Variants in CACNA1I observed in about 807,000 individuals in gnomAD.
CACNA1I encodes voltage-dependent T-type calcium channel subunit alpha-1I.
Under a neutral mutation model 201.6 loss-of-function variants are expected in CACNA1I, and 74 were observed. The observed-to-expected ratio is 0.37, with a 90% CI of 0.30 to 0.45. The LOEUF (loss-of-function observed/expected upper bound fraction) is 0.45, where lower values mean the gene tolerates loss of function less well. Ranked by LOEUF, CACNA1I falls within the 20% of genes least tolerant of loss-of-function variation. CACNA1I has a pLI of 1.00. For synonymous variants in CACNA1I, 1,431 were observed against 1,345.2 expected (o/e 1.06, Z -1.40); for missense variants, 2,346 against 3,138.1 (o/e 0.75, Z 6.03).
chr22:39,605,619 A>G (rs888213108), intron 3 of CACNA1I, among the ~76,000 whole-genome samples: 1 of 152,238 alleles, frequency 6.6e-6, no homozygotes, highest in African/African-American at 2.4e-5. Flanking sequence ...AAACAGAAAT[A>G]AAACACATCA....
In CACNA1I at chr22:39,648,429, G is replaced by A. The variant is rs1934555458; in HGVS notation, c.1567+503G>A. ...TGGCACTCTTGCCCCCTTGCCCCTGGGCCTCCCCTCTGCCCTGGAAAACGA... is the reference window on the plus strand; with the variant it reads ...TGGCACTCTTGCCCCCTTGCCCCTGAGCCTCCCCTCTGCCCTGGAAAACGA... On this transcript the variant is annotated intron_variant, in intron 9 of 36. Transcript: ENST00000402142. This position sits in a 1 kb window ranked among gnomAD's most constrained non-coding sequence, Gnocchi z 5.4. Among the ~76,000 whole-genome samples, 1 of 152,114 alleles carries A rather than the reference G, an allele frequency of 6.6e-6. No homozygotes were observed. The highest frequency in any genetic ancestry group is 1.5e-5 in the Non-Finnish European group (1 of 68,014).
At chr22:39,599,048 A>G (rs1230913785) in intron 2 of CACNA1I, among the ~76,000 whole-genome samples, 1 of 137,818 alleles carries the variant, frequency 7.3e-6, no homozygotes, top group Non-Finnish European at 1.5e-5. Flanking sequence ...TCCCGGGTTC[A>G]TGCCATTCTC....
In CACNA1I at chr22:39,681,001, C is replaced by T. The variant is rs376733895; in HGVS notation, c.5613C>T (p.Asp1871=). The change falls in exon 34 of 37, where the codon GAC becomes GAT. Residue 1871 remains aspartate, a synonymous_variant. Transcript: ENST00000402142. Reference sequence around the variant, plus strand: ...CCTCGTCCATCCTGCTGGGTGACGACCTGAGTCTCGAGGACCCCACAGCCT... The same window carrying T: ...CCTCGTCCATCCTGCTGGGTGACGATCTGAGTCTCGAGGACCCCACAGCCT... ...DRSSSILLGD[D]LSLEDPTACP... is the part of the protein sequence containing the mutation. The T allele has an allele frequency of 1.1e-5, 17 of 1,611,662 alleles. No individual in the cohort carries two copies. Among genetic ancestry groups the T allele is most frequent in the Non-Finnish European group, 1.7e-6 (2 of 1,179,498 alleles).
intron 1 of CACNA1I, among the ~76,000 whole-genome samples, chr22:39,587,384 G>A (rs578132922): frequency 1.3e-5 from 2 of 152,278 alleles, no homozygotes; most frequent in South Asian, 2.1e-4. Context: ...GCATGTAAGC[G>A]GAGGGAGGCC....
At chr22:39,574,029 C>T (rs1043295986) in intron 1 of CACNA1I, among the ~76,000 whole-genome samples, 3 of 152,258 alleles carry the variant, frequency 2.0e-5, no homozygotes, top group Middle Eastern at 3.4e-3. Context: ...GTTCAGGTCT[C>T]GGCCTTAACT....
intron 24 of CACNA1I, 149 bp from the exon 25 acceptor site, chr22:39,669,889 A>C: frequency 1.2e-6 from 1 of 822,268 alleles, no homozygotes. Flanking sequence ...TTTACTTCTT[A>C]CCTGCTGCCT....
Position 39,665,020 on chromosome 22 carries a change from C to A in CACNA1I, c.3851+97C>A. On this transcript the variant is annotated intron_variant, in intron 21 of 36. Coordinates refer to ENST00000402142, the MANE Select transcript of CACNA1I (RefSeq NM_021096.4). The surrounding 1 kb of genome is among the most constrained non-coding windows in gnomAD (Gnocchi z 5.5). ...CCCTCACTCCGCCCTCCCCGCCCGC[C>A]CACTCGGTCCTCCAATAGTGAGTGC... 2.6e-6 allele frequency: 3 copies of A among 1,142,762 alleles called. No individual in the cohort carries two copies. The highest frequency in any genetic ancestry group is 3.8e-6 in the Non-Finnish European group (3 of 799,384). 70.8% of individuals were successfully genotyped at this position (1,142,762 alleles called of 1,614,324 possible). A position where few individuals can be genotyped will look rare whatever the true frequency, so the allele number is the denominator to read the frequency against.
chr22:39,596,705 G>A (rs964314908), intron 1 of CACNA1I, among the ~76,000 whole-genome samples: 2 of 151,900 alleles, frequency 1.3e-5, no homozygotes, highest in Admixed American at 6.6e-5. Flanking sequence ...GCTGCTGCAG[G>A]AAGGGTGGTT....
At chr22:39,615,978 A>G (rs5995760) in intron 3 of CACNA1I, among the ~76,000 whole-genome samples, 15,635 of 152,166 alleles carry the variant, frequency 0.1, 1,186 homozygotes, top group African/African-American at 0.21. Context: ...CAGATTCTAC[A>G]GGAACGTTTT....
chr22:39,592,650 G>A (rs1276664530), intron 1 of CACNA1I, among the ~76,000 whole-genome samples: 1 of 152,208 alleles, frequency 6.6e-6, no homozygotes, highest in Non-Finnish European at 1.5e-5. Flanking sequence ...TCCTGCCGTC[G>A]TGGCACTAGC....
intron 33 of CACNA1I, 43 bp from the exon 34 acceptor site, chr22:39,680,887 A>T (rs1324097069): frequency 6.3e-7 from 1 of 1,585,494 alleles, no homozygotes; most frequent in Non-Finnish European, 8.6e-7. Context: ...AGGTCTGCCC[A>T]TCCCAAACCT....
intron 4 of CACNA1I, among the ~76,000 whole-genome samples, chr22:39,632,585 T>TG (rs1343630652): frequency 7.4e-6 from 1 of 134,526 alleles, no homozygotes; most frequent in Non-Finnish European, 1.6e-5. Flanking sequence ...TGTGTGTGTG[T>TG]GGGGGGAGGG....
rs1165633655 is a variant in CACNA1I at position 39,685,796 on chromosome 22, C to T, written c.6063C>T (p.Pro2021=). Residue 2021 remains proline, a synonymous_variant, in exon 37 of 37, where the codon CCC becomes CCT. Transcript: ENST00000402142. The surrounding 1 kb of genome is among the most constrained non-coding windows in gnomAD (Gnocchi z 5.0). ...TGSDTSLDAS[P]SSSAGSLQTT... is the part of the protein sequence containing the mutation. ...GCGACACGTCGCTGGACGCCAGCCCCAGCAGCTCCGCGGGCAGCCTGCAGA... is the reference window on the plus strand; with the variant it reads ...GCGACACGTCGCTGGACGCCAGCCCTAGCAGCTCCGCGGGCAGCCTGCAGA... 19 of 1,496,446 alleles carry T rather than the reference C, an allele frequency of 1.3e-5. No individual in the cohort carries two copies. Among genetic ancestry groups the T allele is most frequent in the Admixed American group, 2.1e-5 (1 of 47,292 alleles). 92.7% of individuals were successfully genotyped at this position (1,496,446 alleles called of 1,614,324 possible).
In CACNA1I at chr22:39,629,590, A is replaced by G. The variant is rs1202065959; in HGVS notation, c.581-4975A>G. Among the ~76,000 whole-genome samples, 3 of 152,012 alleles carry G rather than the reference A, an allele frequency of 2.0e-5. No homozygotes were observed. The highest frequency in any genetic ancestry group is 7.2e-5 in the African/African-American group (3 of 41,382). ...CAGGGGGACGGAAGGCCCAATCATC[A>G]GGCCGTGAGGGTGGTGGAGAGGGCC... On this transcript the variant is annotated intron_variant, in intron 4 of 36. Transcript: ENST00000402142. This position sits in a 1 kb window ranked among gnomAD's most constrained non-coding sequence, Gnocchi z 4.8.
At chr22:39,674,909 C>T (rs1335279848) in intron 29 of CACNA1I, among the ~76,000 whole-genome samples, 2 of 152,206 alleles carry the variant, frequency 1.3e-5, no homozygotes, top group Non-Finnish European at 2.9e-5. Context: ...TGGGTGAGTT[C>T]TGTTCCTGAA....
chr22:39,571,282 TG>T (rs1438256680), intron 1 of CACNA1I, among the ~76,000 whole-genome samples: 4 of 152,086 alleles, frequency 2.6e-5, no homozygotes, highest in African/African-American at 9.7e-5. Flanking sequence ...AGACCTGTGC[TG>T]GGCTGGGAAT....
chr22:39,622,370 T>G, intron 4 of CACNA1I, among the ~76,000 whole-genome samples: 1 of 98,374 alleles, frequency 1.0e-5, no homozygotes, highest in Admixed American at 1.2e-4. Flanking sequence ...GGGGATTGAG[T>G]AGGTGGAGGG....
chr22:39,601,679 T>C (rs1010705365), intron 3 of CACNA1I, among the ~76,000 whole-genome samples: 2 of 151,942 alleles, frequency 1.3e-5, no homozygotes, highest in African/African-American at 4.8e-5. Flanking sequence ...AGTAGACGCA[T>C]GGCTGAGACG....
intron 5 of CACNA1I, 63 bp downstream of exon 5, chr22:39,634,787 T>C (rs1934162223): frequency 6.6e-7 from 1 of 1,510,696 alleles, no homozygotes; most frequent in African/African-American, 1.4e-5. Flanking sequence ...AGTTTTAACC[T>C]TCTGGGTCAT....
Sources: gnomAD v4.1 joint callset for allele counts (sites outside exome capture counted in the v4.1 genomes callset) on GRCh38, gnomAD v4.1.1 for gene constraint, Gnocchi (gnomAD v3.1) non-coding constraint, MANE v1.5 for transcripts, NCBI Gene and HGNC (gene_info 2026-07-23, HGNC 2026-07-21) for gene names.